METTL15: variants seen among roughly 807,000 people sequenced by gnomAD.
The protein encoded by METTL15 is 12S rRNA N(4)-cytidine methyltransferase METTL15.
A neutral mutation model predicts 38.3 loss-of-function variants in METTL15; 34 were observed. The observed-to-expected ratio is 0.89, with a 90% CI of 0.68 to 1.18. METTL15 has a LOEUF of 1.18. Ranked by LOEUF, METTL15 falls within the 50% of genes most tolerant of loss-of-function variation. METTL15 has a pLI of 0.00. For synonymous variants in METTL15, 162 were observed against 170.9 expected (o/e 0.95, Z 0.41); for missense variants, 438 against 498.4 (o/e 0.88, Z 1.15).
chr11:28,501,872 G>A (rs1313471385), intron 6 of METTL15, among the ~76,000 whole-genome samples: 1 of 152,162 alleles, frequency 6.6e-6, no homozygotes, highest in Non-Finnish European at 1.5e-5. Flanking sequence ...GACCGAGGCA[G>A]GCGGATCACG....
intron 3 of METTL15, among the ~76,000 whole-genome samples, chr11:28,204,435 C>CTTTTTTTTTTTTTTTT: frequency 1.3e-5 from 1 of 79,338 alleles, no homozygotes; most frequent in South Asian, 5.7e-4. Flanking sequence ...CTGAGTTTTC[C>CTTTTTTTTTTTTTTTT]TTTTTTTTTT....
chr11:28,502,446 C>T (rs1851592498), intron 6 of METTL15, among the ~76,000 whole-genome samples: 1 of 152,148 alleles, frequency 6.6e-6, no homozygotes, highest in African/African-American at 2.4e-5. Flanking sequence ...CACACAAACC[C>T]ATGGTGGGCT....
At chr11:28,353,729 T>A (rs182288458) in intron 4 of METTL15, among the ~76,000 whole-genome samples, 3,245 of 151,556 alleles carry the variant, frequency 0.021, 127 homozygotes, top group African/African-American at 0.075. Flanking sequence ...ATCGAGACCA[T>A]CCTGGCTAAC....
At chr11:28,395,779 C>T (rs1850561580) in intron 5 of METTL15, among the ~76,000 whole-genome samples, 1 of 152,072 alleles carries the variant, frequency 6.6e-6, no homozygotes, top group Non-Finnish European at 1.5e-5. Context: ...CAAAGCCGGG[C>T]AGAGACACAA....
chr11:28,265,073 T>G (rs1394205451), intron 4 of METTL15, among the ~76,000 whole-genome samples: 2 of 152,114 alleles, frequency 1.3e-5, no homozygotes, highest in Admixed American at 1.3e-4. Context: ...ATCAGAGGCT[T>G]TGTGAAATGA....
chr11:28,368,151 A>G (rs1189642471), intron 5 of METTL15, among the ~76,000 whole-genome samples: 1 of 141,446 alleles, frequency 7.1e-6, no homozygotes, highest in Admixed American at 6.8e-5. Flanking sequence ...AACAAAAAAA[A>G]CAAAAAAAAA....
At chr11:28,289,140 T>A (rs1418757642) in intron 4 of METTL15, among the ~76,000 whole-genome samples, 2 of 152,108 alleles carry the variant, frequency 1.3e-5, no homozygotes, top group Non-Finnish European at 1.5e-5. Flanking sequence ...ACAGGGCAAT[T>A]TGTTGATTAT....
chr11:28,457,889 TATC>T (rs1305498567), intron 6 of METTL15, among the ~76,000 whole-genome samples: 3 of 152,162 alleles, frequency 2.0e-5, no homozygotes, highest in African/African-American at 7.2e-5. Flanking sequence ...TTAGACCTAA[TATC>T]ATTTTTAGCT....
intron 6 of METTL15, among the ~76,000 whole-genome samples, chr11:28,300,579 A>G (rs1449307099): frequency 6.6e-6 from 1 of 152,212 alleles, no homozygotes; most frequent in Non-Finnish European, 1.5e-5. Flanking sequence ...ACTTACAAGC[A>G]TTGTGAATTA....
At chr11:28,475,018 C>T (rs181739949) in intron 6 of METTL15, among the ~76,000 whole-genome samples, 1 of 152,082 alleles carries the variant, frequency 6.6e-6, no homozygotes, top group African/African-American at 2.4e-5. Context: ...TTAATCAGAT[C>T]GTTTTGATAG....
intron 3 of METTL15, among the ~76,000 whole-genome samples, chr11:28,141,038 G>A (rs575921394): frequency 1.3e-5 from 2 of 152,300 alleles, no homozygotes; most frequent in South Asian, 2.1e-4. Flanking sequence ...AATATGCTGA[G>A]AACAGCAGTA....
chr11:28,185,571 C>G (rs10835282), intron 3 of METTL15, among the ~76,000 whole-genome samples: 69,996 of 151,012 alleles, frequency 0.46, 17,745 homozygotes, highest in Admixed American at 0.56. Flanking sequence ...TCAGGATCAA[C>G]TTCAGTTTGC....
At chr11:28,182,945 G>A (rs996650664) in intron 3 of METTL15, among the ~76,000 whole-genome samples, 1 of 152,014 alleles carries the variant, frequency 6.6e-6, no homozygotes, top group Admixed American at 6.6e-5. Flanking sequence ...GCAGTGGTTT[G>A]TATTTCTCCT....
intron 3 of METTL15, chr11:28,123,830 C>T: frequency 7.2e-7 from 1 of 1,380,102 alleles, no homozygotes; most frequent in Non-Finnish European, 9.8e-7. Flanking sequence ...TGAAATCTTT[C>T]TTTTGTTACA....
At chr11:28,253,780 C>G (rs72876487) in intron 4 of METTL15, among the ~76,000 whole-genome samples, 1 of 152,124 alleles carries the variant, frequency 6.6e-6, no homozygotes, top group Non-Finnish European at 1.5e-5. Flanking sequence ...ACCTCCAGTT[C>G]CATTCATGGT....
At chr11:28,395,598 G>C (rs1459149751) in intron 5 of METTL15, among the ~76,000 whole-genome samples, 1 of 151,678 alleles carries the variant, frequency 6.6e-6, no homozygotes, top group Non-Finnish European at 1.5e-5. Context: ...GGCTGAAATA[G>C]AGGCAATAGC....
chr11:28,143,137 CAT>C (rs2133666001), intron 3 of METTL15, among the ~76,000 whole-genome samples: 2 of 151,750 alleles, frequency 1.3e-5, no homozygotes, highest in East Asian at 3.9e-4. Flanking sequence ...TTTTTTTGGA[CAT>C]GTTTTTAGAT....
chr11:28,368,152 C>CAAAAAAAAAAAAAAAACAAAAAAAAAA (rs572862749), intron 5 of METTL15, among the ~76,000 whole-genome samples: 1 of 108,708 alleles, frequency 9.2e-6, no homozygotes, highest in Non-Finnish European at 2.0e-5. Flanking sequence ...ACAAAAAAAA[C>CAAAAAAAAAAAAAAAACAAAAAAAAAA]AAAAAAAAAA....
In METTL15 at chr11:28,113,449, A is replaced by G; in HGVS notation, c.115A>G (p.Lys39Glu). The G allele has an allele frequency of 1.2e-6, 2 of 1,611,598 alleles. 1 individual carries two copies. Residue 39 changes from lysine (K) to glutamate (E), a missense_variant, in exon 3 of 7, where the codon AAA (lysine) becomes GAA (glutamate). Physicochemically the swap from Lys to Glu is moderately conservative, Grantham distance 56. Coordinates refer to ENST00000407364, the MANE Select transcript of METTL15 (RefSeq NM_001113528.2). ...WPNRIHTTAE[K>E]YREYEAREQT... ...AAACAGAATACATACTACAGCAGAAAAATATAGAGAATATGAAGCCCGGGA... is the reference window on the plus strand; with the variant it reads ...AAACAGAATACATACTACAGCAGAAGAATATAGAGAATATGAAGCCCGGGA...
Sources: allele counts gnomAD v4.1 joint callset (sites outside exome capture counted in the v4.1 genomes callset), GRCh38; gene constraint gnomAD v4.1.1; transcripts MANE v1.5; gene names NCBI Gene and HGNC (gene_info 2026-07-23, HGNC 2026-07-21).